MSRB3: variants seen among roughly 807,000 people sequenced by gnomAD.
MSRB3 encodes methionine sulfoxide reductase B3.
In MSRB3, 13 loss-of-function variants were observed where a neutral mutation model predicts 21.0. The observed-to-expected ratio is 0.62, with a 90% CI of 0.40 to 0.98. MSRB3 has a LOEUF of 0.98. MSRB3 is among the 50% of genes least tolerant of loss of function. The probability of loss-of-function intolerance (pLI) is 0.00; values close to 1 mark genes in which losing one functional copy is unlikely to be tolerated. For missense variants in MSRB3, 199 were observed against 230.3 expected, an observed-to-expected ratio of 0.86 and a Z score of 0.88; for synonymous variants, 87 against 88.6, an observed-to-expected ratio of 0.98 and a Z score of 0.10.
chr12:65,369,466 T>C (rs1878200437), intron 5 of MSRB3, among the ~76,000 whole-genome samples: 1 of 152,180 alleles, frequency 6.6e-6, no homozygotes, highest in Non-Finnish European at 1.5e-5. Context: ...TATTAGCTTG[T>C]TTTCTCTTAA....
chr12:65,388,262 A>G (rs1408588901), intron 5 of MSRB3, among the ~76,000 whole-genome samples: 1 of 152,140 alleles, frequency 6.6e-6, no homozygotes, highest in East Asian at 1.9e-4. Context: ...GTTTGGGCCA[A>G]TGAATGAGAA....
At chr12:65,462,253 G>A (rs1215006598) in intron 6 of MSRB3, among the ~76,000 whole-genome samples, 1 of 152,136 alleles carries the variant, frequency 6.6e-6, no homozygotes, top group Non-Finnish European at 1.5e-5. Flanking sequence ...ATGGAAAAGG[G>A]CAGTAGATAT....
At chr12:65,437,981 T>C (rs1212498801) in intron 5 of MSRB3, among the ~76,000 whole-genome samples, 1 of 151,916 alleles carries the variant, frequency 6.6e-6, no homozygotes, top group African/African-American at 2.4e-5. Context: ...ACTGACATTG[T>C]GAGGAGGGCA....
At chr12:65,340,073 G>T (rs1876038400) in intron 4 of MSRB3, among the ~76,000 whole-genome samples, 1 of 152,154 alleles carries the variant, frequency 6.6e-6, no homozygotes. Context: ...CAGATATACA[G>T]ATATTTAAGT....
chr12:65,333,831 C>G (rs920762354), intron 4 of MSRB3, among the ~76,000 whole-genome samples: 9 of 152,174 alleles, frequency 5.9e-5, no homozygotes, highest in Admixed American at 4.6e-4. Context: ...CAAAGCCATA[C>G]CTTAGTCATA....
chr12:65,369,558 AT>A (rs1878205640), intron 5 of MSRB3, among the ~76,000 whole-genome samples: 1 of 152,174 alleles, frequency 6.6e-6, no homozygotes, highest in South Asian at 2.1e-4. Flanking sequence ...CAAAATTTAC[AT>A]TCTCACAAGC....
At chr12:65,396,426 C>T (rs1290399571) in intron 5 of MSRB3, among the ~76,000 whole-genome samples, 5 of 152,174 alleles carry the variant, frequency 3.3e-5, no homozygotes, top group Non-Finnish European at 7.3e-5. Flanking sequence ...TGCAGTGGCT[C>T]ACGCCAATAA....
At chr12:65,368,322 TAG>T (rs995120430) in intron 4 of MSRB3, among the ~76,000 whole-genome samples, 1 of 152,202 alleles carries the variant, frequency 6.6e-6, no homozygotes, top group African/African-American at 2.4e-5. Flanking sequence ...GTTTGAGAGC[TAG>T]ATATAGACAA....
chr12:65,311,636 C>T (rs1480681356), intron 2 of MSRB3, among the ~76,000 whole-genome samples: 1 of 151,972 alleles, frequency 6.6e-6, no homozygotes, highest in Non-Finnish European at 1.5e-5. Context: ...ATTGGAAATA[C>T]AGGAAGTGAA....
At chr12:65,394,280 T>A (rs1879658922) in intron 5 of MSRB3, among the ~76,000 whole-genome samples, 2 of 152,120 alleles carry the variant, frequency 1.3e-5, no homozygotes, top group Non-Finnish European at 2.9e-5. Flanking sequence ...ACTTACGTAA[T>A]AAAAAATAAA....
At chr12:65,339,779 C>T (rs1876020444) in intron 4 of MSRB3, among the ~76,000 whole-genome samples, 1 of 152,130 alleles carries the variant, frequency 6.6e-6, no homozygotes, top group Non-Finnish European at 1.5e-5. Flanking sequence ...CTTCAGCACA[C>T]CACTGTAATG....
chr12:65,400,394 T>C (rs1638766894), intron 5 of MSRB3, among the ~76,000 whole-genome samples: 1 of 152,144 alleles, frequency 6.6e-6, no homozygotes, highest in African/African-American at 2.4e-5. Context: ...AGCTTATTTT[T>C]GTAGCAGTGT....
chr12:65,408,309 G>T (rs1288746913), intron 5 of MSRB3, among the ~76,000 whole-genome samples: 5 of 152,200 alleles, frequency 3.3e-5, no homozygotes, highest in African/African-American at 1.2e-4. Context: ...TGGCCAGGCT[G>T]GTCTCGAACT....
chr12:65,453,925 AGACAAGCAT>A, intron 6 of MSRB3, 100 bp downstream of exon 6: 1 of 962,272 alleles, frequency 1.0e-6, no homozygotes, highest in Non-Finnish European at 1.7e-6. Flanking sequence ...CAAGAAGGAC[AGACAAGCAT>A]GACGAAGTTT....
chr12:65,353,277 C>T (rs1462214397), intron 4 of MSRB3, among the ~76,000 whole-genome samples: 2 of 152,040 alleles, frequency 1.3e-5, no homozygotes, highest in Non-Finnish European at 2.9e-5. Flanking sequence ...TCCTGGATAT[C>T]CTTGTTAACT....
chr12:65,366,471 A>C (rs2136528468), intron 4 of MSRB3, among the ~76,000 whole-genome samples: 1 of 152,300 alleles, frequency 6.6e-6, no homozygotes, highest in South Asian at 2.1e-4. Context: ...GCACAGGCAG[A>C]GGAAGGCCAG....
At chr12:65,313,671 C>T (rs1278986930) in intron 2 of MSRB3, among the ~76,000 whole-genome samples, 1 of 151,996 alleles carries the variant, frequency 6.6e-6, no homozygotes, top group East Asian at 1.9e-4. Flanking sequence ...GTATTGGTGT[C>T]CCTAAAGGAA....
intron 6 of MSRB3, among the ~76,000 whole-genome samples, chr12:65,455,175 G>T (rs1186057311): frequency 2.0e-5 from 3 of 151,384 alleles, no homozygotes; most frequent in Admixed American, 2.0e-4. Context: ...GGAGTAGGTG[G>T]CATATTTACT....
intron 5 of MSRB3, among the ~76,000 whole-genome samples, chr12:65,433,490 A>G (rs1881977817): frequency 6.6e-6 from 1 of 151,830 alleles, no homozygotes; most frequent in African/African-American, 2.4e-5. Flanking sequence ...TTCTGGTCTC[A>G]GTCTTCTGCA....
Sources: gnomAD v4.1 joint callset for allele counts (sites outside exome capture counted in the v4.1 genomes callset) on GRCh38, gnomAD v4.1.1 for gene constraint, MANE v1.5 for transcripts, NCBI Gene and HGNC (gene_info 2026-07-23, HGNC 2026-07-21) for gene names.